RNLS: variants seen among roughly 807,000 people sequenced by gnomAD.
The protein encoded by RNLS is renalase.
A neutral mutation model predicts 39.8 loss-of-function variants in RNLS; 39 were observed. That is an observed-to-expected ratio of 0.98 (90% CI 0.76 to 1.28). The LOEUF (loss-of-function observed/expected upper bound fraction) is 1.28. Among genes scored for constraint, RNLS ranks in the 50% most tolerant of loss-of-function variants. The pLI is 0.00. For synonymous variants in RNLS, 147 were observed against 150.7 expected (o/e 0.98, Z 0.18); for missense variants, 410 against 413.3 (o/e 0.99, Z 0.07).
intron 4 of RNLS, among the ~76,000 whole-genome samples, chr10:88,372,136 A>T (rs76173044): frequency 0.016 from 2,420 of 152,266 alleles, 78 homozygotes; most frequent in African/African-American, 0.055. Context: ...TAAACAGGTG[A>T]TCCTGCCATA....
chr10:88,183,833 G>C, the RNLS span, among the ~76,000 whole-genome samples: 1 of 152,062 alleles, frequency 6.6e-6, no homozygotes, highest in Non-Finnish European at 1.5e-5. Flanking sequence ...GTAGTGATTG[G>C]TTCAGGAACG....
At chr10:88,202,164 T>C in the RNLS span, among the ~76,000 whole-genome samples, 1 of 151,938 alleles carries the variant, frequency 6.6e-6, no homozygotes, top group African/African-American at 2.4e-5. Flanking sequence ...TGAATGAAGC[T>C]GGAAACCATC....
the RNLS span, among the ~76,000 whole-genome samples, chr10:88,181,186 G>C: frequency 6.6e-6 from 1 of 152,178 alleles, no homozygotes; most frequent in Admixed American, 6.5e-5. Flanking sequence ...ACAGATCAGG[G>C]AGCTGTGATG....
At chr10:88,205,936 G>A in the RNLS span, among the ~76,000 whole-genome samples, 2 of 152,134 alleles carry the variant, frequency 1.3e-5, no homozygotes, top group Admixed American at 1.3e-4. Context: ...AAATCTTGTT[G>A]CAATGACCAA....
intron 5 of RNLS, among the ~76,000 whole-genome samples, chr10:88,340,622 A>C (rs180738662): frequency 1.6e-4 from 25 of 152,330 alleles, no homozygotes; most frequent in South Asian, 8.3e-4. Flanking sequence ...ATTCCATTGC[A>C]TAAACTTTAA....
At chr10:88,380,574 C>T (rs1176220485) in intron 4 of RNLS, among the ~76,000 whole-genome samples, 29 of 150,214 alleles carry the variant, frequency 1.9e-4, no homozygotes, top group Admixed American at 1.7e-3. Flanking sequence ...TTAGTAGAGA[C>T]GGGGTTTCAC....
chr10:88,582,952 C>G lies in RNLS; in HGVS notation c.118+121G>C, dbSNP rs1850724773. The G allele has an allele frequency of 7.6e-6, 9 of 1,183,932 alleles. No individual in the cohort carries two copies. In the South Asian group the frequency reaches 1.5e-4, roughly 20 times the overall value. The allele number at this position is 1,183,932 out of a possible 1,614,324, so 73.3% of individuals were successfully genotyped here. On this transcript the variant is annotated intron_variant, in intron 1 of 6. Coordinates refer to ENST00000331772, the MANE Select transcript of RNLS (RefSeq NM_001031709.3). ...CGGCGCATGGGCCGCGCTACACGGC[C>G]GCTCAGGGAGCTGAGGGTATAGCGT...
At chr10:88,449,156 A>T (rs1842218725) in intron 4 of RNLS, among the ~76,000 whole-genome samples, 1 of 152,096 alleles carries the variant, frequency 6.6e-6, no homozygotes, top group Admixed American at 6.5e-5. Flanking sequence ...AATAATAAAC[A>T]AAACAAAACA....
intron 6 of RNLS, among the ~76,000 whole-genome samples, chr10:88,300,702 G>A (rs1268189190): frequency 6.6e-6 from 1 of 152,160 alleles, no homozygotes; most frequent in Non-Finnish European, 1.5e-5. Context: ...TAAAGGAAGG[G>A]AGCTGTCTTT....
chr10:88,543,295 T>C (rs1848139127), intron 4 of RNLS, among the ~76,000 whole-genome samples: 1 of 152,066 alleles, frequency 6.6e-6, no homozygotes, highest in Non-Finnish European at 1.5e-5. Flanking sequence ...AGTGTTCCCA[T>C]CCTAGGTTCT....
the RNLS span, among the ~76,000 whole-genome samples, chr10:88,247,250 A>G: frequency 6.6e-6 from 1 of 152,208 alleles, no homozygotes; most frequent in African/African-American, 2.4e-5. Context: ...ATCACAATAC[A>G]TGCAACAGAG....
At chr10:88,582,016 T>C (rs530885821) in intron 2 of RNLS, among the ~76,000 whole-genome samples, 186 bp downstream of exon 2, 1 of 152,356 alleles carries the variant, frequency 6.6e-6, no homozygotes, top group African/African-American at 2.4e-5. Context: ...AGTATATCAA[T>C]TTTAAATTTG....
intron 3 of RNLS, among the ~76,000 whole-genome samples, chr10:88,573,917 G>A (rs983217868): frequency 6.6e-6 from 1 of 152,172 alleles, no homozygotes; most frequent in Non-Finnish European, 1.5e-5. Context: ...GAAGTGGGTG[G>A]ATCACTTGAG....
At chr10:88,358,520 T>G (rs1006059175) in intron 5 of RNLS, among the ~76,000 whole-genome samples, 13 of 152,264 alleles carry the variant, frequency 8.5e-5, no homozygotes, top group Non-Finnish European at 1.8e-4. Context: ...TAATATGTCC[T>G]GATATTCTCC....
chr10:88,516,027 A>G (rs1333883058), intron 4 of RNLS, among the ~76,000 whole-genome samples: 1 of 152,048 alleles, frequency 6.6e-6, no homozygotes, highest in Non-Finnish European at 1.5e-5. Context: ...CAAAATAAAG[A>G]CCTTGTAAGG....
chr10:88,425,470 A>G (rs1208803828), intron 4 of RNLS, among the ~76,000 whole-genome samples: 1 of 152,094 alleles, frequency 6.6e-6, no homozygotes, highest in East Asian at 1.9e-4. Context: ...TGTACAATGA[A>G]TCTTCCTATT....
chr10:88,371,703 C>CTT (rs1850569581), intron 4 of RNLS, among the ~76,000 whole-genome samples: 1 of 152,108 alleles, frequency 6.6e-6, no homozygotes, highest in African/African-American at 2.4e-5. Flanking sequence ...TCTGTATTGC[C>CTT]TTCTGCTCAC....
chr10:88,239,946 T>C, the RNLS span, among the ~76,000 whole-genome samples: 1 of 152,222 alleles, frequency 6.6e-6, no homozygotes, highest in Non-Finnish European at 1.5e-5. Flanking sequence ...AGGACCAAAA[T>C]ATTATATTTT....
At chr10:88,509,066 C>T (rs1164337262) in intron 4 of RNLS, among the ~76,000 whole-genome samples, 2 of 152,086 alleles carry the variant, frequency 1.3e-5, no homozygotes, top group African/African-American at 4.8e-5. Flanking sequence ...AGGTCTCTTC[C>T]TTCATTCCTG....
Sources: gnomAD v4.1 joint callset for allele counts (sites outside exome capture counted in the v4.1 genomes callset) on GRCh38, gnomAD v4.1.1 for gene constraint, MANE v1.5 for transcripts, NCBI Gene and HGNC (gene_info 2026-07-23, HGNC 2026-07-21) for gene names.